Variants in PLEKHM3 observed in about 807,000 individuals in gnomAD.
PLEKHM3 encodes the protein pleckstrin homology domain-containing family M member 3.
PLEKHM3 carries 45 observed loss-of-function variants against 81.8 expected under a neutral mutation model. The observed-to-expected ratio is 0.55, with a 90% CI of 0.43 to 0.71. The LOEUF is 0.71. PLEKHM3 is among the 30% of genes least tolerant of loss of function. The probability of loss-of-function intolerance (pLI) is 0.00; values close to 1 mark genes in which losing one functional copy is unlikely to be tolerated. For missense variants in PLEKHM3, 788 were observed against 924.3 expected, an observed-to-expected ratio of 0.85 and a Z score of 1.91; for synonymous variants, 352 against 356.4, an observed-to-expected ratio of 0.99 and a Z score of 0.14.
intron 6 of PLEKHM3, among the ~76,000 whole-genome samples, chr2:207,877,185 G>A (rs2092563744): frequency 6.6e-6 from 1 of 152,188 alleles, no homozygotes; most frequent in Non-Finnish European, 1.5e-5. Context: ...ATGCCCACCT[G>A]AGACATGTTC....
In PLEKHM3 at chr2:208,008,538, A is replaced by G. The variant is rs187143345; in HGVS notation, c.-318-6581T>C. ...AAAAAAAAAAAAACAGACAAAAAAA[A>G]ATGTCCCAGGGAGTGCTGTGCCTAC... On this transcript the variant is annotated intron_variant, in intron 1 of 7. Coordinates refer to ENST00000427836, the MANE Select transcript of PLEKHM3 (RefSeq NM_001080475.3). Among the ~76,000 whole-genome samples, 659 of 150,538 alleles carry G rather than the reference A, an allele frequency of 4.4e-3. 4 individuals are homozygous for G. Among genetic ancestry groups the G allele is most frequent in the African/African-American group, 0.015 (605 of 41,228 alleles).
chr2:207,922,679 G>T (rs2105924161), intron 5 of PLEKHM3, among the ~76,000 whole-genome samples: 1 of 152,286 alleles, frequency 6.6e-6, no homozygotes, highest in South Asian at 2.1e-4. Context: ...GGGCGTGGTG[G>T]CGGGCGCCTG....
At chr2:208,022,103 A>C (rs187370559) in intron 1 of PLEKHM3, among the ~76,000 whole-genome samples, 138 of 152,334 alleles carry the variant, frequency 9.1e-4, no homozygotes, top group African/African-American at 3.0e-3. Context: ...GGCTTTTCAT[A>C]CATTCACCAA....
intron 7 of PLEKHM3, among the ~76,000 whole-genome samples, chr2:207,839,028 T>G (rs1369563701): frequency 3.9e-5 from 6 of 152,218 alleles, no homozygotes; most frequent in Non-Finnish European, 7.3e-5. Context: ...GGTTTATATA[T>G]GAACTTCTCA....
chr2:208,011,547 G>C (rs759503422), intron 1 of PLEKHM3, among the ~76,000 whole-genome samples: 3 of 151,994 alleles, frequency 2.0e-5, no homozygotes, highest in Admixed American at 6.6e-5. Flanking sequence ...CTCACAAATG[G>C]GAGCTAAGCT....
chr2:207,930,964 GAACA>G lies in PLEKHM3; in HGVS notation c.1844_1847del (p.Leu615SerfsTer36). ...CCTCTGCCACCGCTGCCCGGCAGCT[GAACA>G]AATAGGCTCGGAGCGACTTCAGCCG... On this transcript the variant is annotated frameshift_variant, in exon 5 of 8. Transcript: ENST00000427836. LOFTEE classifies it high-confidence loss of function. 1 of 1,613,586 alleles carries G rather than the reference GAACA, an allele frequency of 6.2e-7. No homozygotes were observed. Among genetic ancestry groups the G allele is most frequent in the Non-Finnish European group, 8.5e-7 (1 of 1,179,556 alleles).
intron 3 of PLEKHM3, among the ~76,000 whole-genome samples, chr2:207,963,272 T>C (rs1690801338): frequency 6.6e-6 from 1 of 152,110 alleles, no homozygotes; most frequent in Admixed American, 6.6e-5. Context: ...CAGAAAGTGG[T>C]GCATCTGAGG....
intron 7 of PLEKHM3, among the ~76,000 whole-genome samples, chr2:207,834,022 C>T (rs1472283587): frequency 1.3e-5 from 2 of 152,116 alleles, no homozygotes; most frequent in African/African-American, 2.4e-5. Flanking sequence ...TGCTTTTGCA[C>T]CAACCTAAAT....
intron 7 of PLEKHM3, among the ~76,000 whole-genome samples, chr2:207,844,467 G>T (rs980218162): frequency 1.2e-4 from 16 of 133,334 alleles, no homozygotes; most frequent in African/African-American, 3.2e-4. Flanking sequence ...CACGCCCGGA[G>T]AATTTTTTTT....
chr2:207,987,634 T>A (rs961167149), intron 2 of PLEKHM3, among the ~76,000 whole-genome samples: 3 of 152,206 alleles, frequency 2.0e-5, no homozygotes, highest in African/African-American at 7.2e-5. Flanking sequence ...ACACAGTTCC[T>A]TACCCTCTTT....
At chr2:208,008,819 G>C (rs1692593754) in intron 1 of PLEKHM3, among the ~76,000 whole-genome samples, 1 of 152,152 alleles carries the variant, frequency 6.6e-6, no homozygotes, top group African/African-American at 2.4e-5. Flanking sequence ...TGTTGTCTGA[G>C]CTCTCTTCTC....
At chr2:207,908,612 G>A (rs199835278) in intron 5 of PLEKHM3, 35 bp from the exon 6 acceptor site, 138 of 1,544,414 alleles carry the variant, frequency 8.9e-5, no homozygotes, top group African/African-American at 4.7e-4. Context: ...GTGAACTGTG[G>A]TGCTGCCATA....
rs1056260206 is a variant in PLEKHM3, at chr2:207,824,400, A to C, written c.*3919T>G. On this transcript the variant is annotated 3_prime_UTR_variant, in exon 8 of 8. Coordinates refer to ENST00000427836, the MANE Select transcript of PLEKHM3 (RefSeq NM_001080475.3). Reference sequence around the variant, plus strand: ...GAGGTGAAGATCTGTTTCATAATCTAGTGATTTCAAGAGAGTGTGTCAGAT... The same window carrying C: ...GAGGTGAAGATCTGTTTCATAATCTCGTGATTTCAAGAGAGTGTGTCAGAT... 1.3e-5 allele frequency: 2 copies of C among 152,212 alleles called. No individual in the cohort carries two copies. The highest frequency in any genetic ancestry group is 4.8e-5 in the African/African-American group (2 of 41,464). The allele number at this position is 152,212 out of a possible 1,614,324, so 9.4% of individuals were successfully genotyped here. A position where few individuals can be genotyped will look rare whatever the true frequency, so the allele number is the denominator to read the frequency against.
At chr2:207,927,277 T>C (rs1490151495) in intron 5 of PLEKHM3, among the ~76,000 whole-genome samples, 1 of 152,150 alleles carries the variant, frequency 6.6e-6, no homozygotes, top group Non-Finnish European at 1.5e-5. Context: ...TCATTACATA[T>C]AAAGGTATTG....
chr2:207,847,003 T>C (rs2092387044), intron 7 of PLEKHM3, among the ~76,000 whole-genome samples: 1 of 152,202 alleles, frequency 6.6e-6, no homozygotes, highest in Admixed American at 6.5e-5. Context: ...CGATGAACAA[T>C]TCCTCTTTAA....
intron 6 of PLEKHM3, among the ~76,000 whole-genome samples, chr2:207,881,500 C>CA (rs2092591160): frequency 6.6e-6 from 1 of 152,216 alleles, no homozygotes; most frequent in African/African-American, 2.4e-5. Context: ...AGCTGGGACT[C>CA]AAACTCAGGT....
intron 1 of PLEKHM3, among the ~76,000 whole-genome samples, chr2:208,008,501 C>CAAAAAAAAAAAAAAAAAAAA (rs59305459): frequency 2.0e-4 from 17 of 83,742 alleles, no homozygotes; most frequent in African/African-American, 3.3e-4. Flanking sequence ...CTAACCTTGC[C>CAAAAAAAAAAAAAAAAAAAA]AAAAAAAAAA....
intron 7 of PLEKHM3, among the ~76,000 whole-genome samples, chr2:207,842,841 ATAG>A (rs1371499375): frequency 2.0e-5 from 3 of 152,234 alleles, no homozygotes; most frequent in East Asian, 1.9e-4. Context: ...AGAAGGCTAA[ATAG>A]TAGTATTTCA....
In PLEKHM3 at chr2:207,828,158, G is replaced by A. The variant is rs1054638729; in HGVS notation, c.*161C>T. 3 of 516,000 alleles carry A rather than the reference G, an allele frequency of 5.8e-6. No individual in the cohort carries two copies. The highest frequency in any genetic ancestry group is 3.4e-5 in the East Asian group (1 of 29,132). 32.0% of individuals were successfully genotyped at this position (516,000 alleles called of 1,614,324 possible). On this transcript the variant is annotated 3_prime_UTR_variant, in exon 8 of 8. Transcript: ENST00000427836. The stretch of plus-strand genomic sequence containing the variant: ...TGTACACAGAGCATACGTACAGGAC[G>A]TATAGGTATTTGCGTATATATAAAT...
Sources: gnomAD v4.1 joint callset for allele counts (sites outside exome capture counted in the v4.1 genomes callset) on GRCh38, gnomAD v4.1.1 for gene constraint, MANE v1.5 for transcripts, NCBI Gene and HGNC (gene_info 2026-07-23, HGNC 2026-07-21) for gene names.